The following NRG3 variants were observed in gnomAD, a reference collection of about 807,000 sequenced individuals.
The protein encoded by NRG3 is pro-neuregulin-3, membrane-bound isoform.
Under a neutral mutation model 66.9 loss-of-function variants are expected in NRG3, and 31 were observed. The observed-to-expected ratio is 0.46, with a 90% CI of 0.35 to 0.63. NRG3 has a LOEUF of 0.63. Ranked by LOEUF, NRG3 falls within the 20% of genes least tolerant of loss-of-function variation. The probability of loss-of-function intolerance (pLI) is 0.00; values close to 1 mark genes in which losing one functional copy is unlikely to be tolerated. For missense variants in NRG3, 910 were observed against 878.9 expected (o/e 1.04, Z -0.45); for synonymous variants, 393 against 359.4 (o/e 1.09, Z -1.06).
intron 1 of NRG3, among the ~76,000 whole-genome samples, chr10:81,980,214 T>C (rs2060282657): frequency 6.6e-6 from 1 of 152,050 alleles, no homozygotes; most frequent in Non-Finnish European, 1.5e-5. Flanking sequence ...TTTTTTTTTT[T>C]GGTTGATCAT....
chr10:82,852,516 T>G (rs186502617), intron 3 of NRG3, among the ~76,000 whole-genome samples: 2 of 151,620 alleles, frequency 1.3e-5, no homozygotes, highest in East Asian at 3.9e-4. Flanking sequence ...AGAAAGAAAA[T>G]TAGCTCACCT....
intron 2 of NRG3, among the ~76,000 whole-genome samples, chr10:82,695,968 T>C (rs980996980): frequency 2.0e-5 from 3 of 152,180 alleles, no homozygotes; most frequent in Non-Finnish European, 4.4e-5. Context: ...AAAAAGGATG[T>C]ACTAAATCAC....
intron 3 of NRG3, among the ~76,000 whole-genome samples, chr10:82,811,846 T>A (rs890227894): frequency 1.3e-5 from 2 of 152,202 alleles, no homozygotes; most frequent in African/African-American, 4.8e-5. Context: ...CAGAGTTGGA[T>A]TGCCCAGTCT....
intron 8 of NRG3, chr10:82,984,667 A>T: frequency 9.5e-7 from 1 of 1,056,100 alleles, no homozygotes; most frequent in Non-Finnish European, 1.4e-6. Context: ...GGACTAACCC[A>T]GGGCTGAGAG....
At chr10:81,901,560 T>A (rs1844072316) in intron 1 of NRG3, among the ~76,000 whole-genome samples, 1 of 152,090 alleles carries the variant, frequency 6.6e-6, no homozygotes, top group Admixed American at 6.5e-5. Flanking sequence ...TCCCTATTAC[T>A]TAGGAGGCTG....
At chr10:81,894,724 A>G (rs1474275075) in intron 1 of NRG3, among the ~76,000 whole-genome samples, 1 of 152,176 alleles carries the variant, frequency 6.6e-6, no homozygotes. Flanking sequence ...CTGCTACCCC[A>G]CATCCTGAGC....
chr10:82,133,848 C>T (rs1338723019), intron 1 of NRG3, among the ~76,000 whole-genome samples: 1 of 152,128 alleles, frequency 6.6e-6, no homozygotes, highest in Non-Finnish European at 1.5e-5. Flanking sequence ...ATACTGCCTT[C>T]CACAATGGTT....
intron 2 of NRG3, among the ~76,000 whole-genome samples, chr10:82,505,993 A>G (rs1412343806): frequency 3.3e-5 from 5 of 152,238 alleles, no homozygotes; most frequent in Non-Finnish European, 1.5e-5. Flanking sequence ...CACGCCTGTA[A>G]TCCCAGCACT....
chr10:82,436,624 A>G (rs2090155303), intron 2 of NRG3, among the ~76,000 whole-genome samples: 1 of 152,134 alleles, frequency 6.6e-6, no homozygotes, highest in South Asian at 2.1e-4. Context: ...CAGTTTCTCC[A>G]TAATGTCATT....
At chr10:82,690,308 C>T (rs1194153021) in intron 2 of NRG3, among the ~76,000 whole-genome samples, 14 of 150,078 alleles carry the variant, frequency 9.3e-5, no homozygotes, top group African/African-American at 4.9e-5. Flanking sequence ...CTTTTCACTT[C>T]ACAGGAACAT....
rs12259473 is a variant in NRG3, at chr10:82,732,895, G to C, written c.954-5682G>C. On this transcript the variant is annotated intron_variant, in intron 2 of 8. Transcript: ENST00000372141. ...CTGAGGAGAATTGGCAGAAGAGAGA[G>C]AAGAATATCTGGAGGGTTTGTTCCT... Among the ~76,000 whole-genome samples, 470 of 152,306 alleles carry C rather than the reference G, an allele frequency of 3.1e-3. 2 individuals are homozygous for C. Among genetic ancestry groups the C allele is most frequent in the African/African-American group, 0.011 (444 of 41,572 alleles).
chr10:82,148,305 C>T (rs1197908893), intron 1 of NRG3, among the ~76,000 whole-genome samples: 2 of 152,044 alleles, frequency 1.3e-5, no homozygotes, highest in East Asian at 3.9e-4. Context: ...CAAGACCAGC[C>T]TGGGCAACAT....
chr10:81,954,287 A>G (rs1476700116), intron 1 of NRG3, among the ~76,000 whole-genome samples: 2 of 152,084 alleles, frequency 1.3e-5, no homozygotes, highest in Non-Finnish European at 2.9e-5. Context: ...TTTGTTTATC[A>G]CTTTGAGCCT....
At chr10:82,033,583 A>G (rs2062665222) in intron 1 of NRG3, among the ~76,000 whole-genome samples, 1 of 152,140 alleles carries the variant, frequency 6.6e-6, no homozygotes, top group African/African-American at 2.4e-5. Context: ...TAGTATTTGT[A>G]TAGTGTTAGA....
rs1048957310 is a variant in NRG3 at position 82,061,859 on chromosome 10, T to A, written c.823+185696T>A. ...GTGTCCCTTTCTCTCTCTCTCTCTC[T>A]CTCACACACACAAACACACACACAC... is the stretch of plus-strand genomic sequence containing the variant. On this transcript the variant is annotated intron_variant, in intron 1 of 8. Transcript: ENST00000372141. Among the ~76,000 whole-genome samples the A allele has an allele frequency of 3.8e-4, 57 of 148,988 alleles. 1 individual carries two copies. Among genetic ancestry groups the A allele is most frequent in the African/African-American group, 1.1e-3 (44 of 39,480 alleles).
At chr10:82,228,461 T>C (rs1293448109) in intron 1 of NRG3, among the ~76,000 whole-genome samples, 1 of 152,194 alleles carries the variant, frequency 6.6e-6, no homozygotes, top group East Asian at 1.9e-4. Flanking sequence ...CATGTAATGC[T>C]TCATTCAAAT....
At chr10:82,420,482 TCTG>T (rs890862117) in intron 2 of NRG3, among the ~76,000 whole-genome samples, 2 of 152,266 alleles carry the variant, frequency 1.3e-5, no homozygotes, top group Non-Finnish European at 2.9e-5. Context: ...TTTCTCATCT[TCTG>T]CTGTAAAAAA....
chr10:82,824,365 ATTCTC>A (rs1457733577), intron 3 of NRG3, among the ~76,000 whole-genome samples: 1 of 152,116 alleles, frequency 6.6e-6, no homozygotes, highest in Middle Eastern at 3.2e-3. Flanking sequence ...TGTGTTTTTA[ATTCTC>A]TTCTCTATAT....
At chr10:82,735,506 C>A (rs935749763) in intron 2 of NRG3, among the ~76,000 whole-genome samples, 3 of 152,118 alleles carry the variant, frequency 2.0e-5, no homozygotes, top group African/African-American at 7.2e-5. Flanking sequence ...AGGAACCAAC[C>A]AAAATGCCTA....
Sources: gnomAD v4.1 joint callset for allele counts (sites outside exome capture counted in the v4.1 genomes callset) on GRCh38, gnomAD v4.1.1 for gene constraint, MANE v1.5 for transcripts, NCBI Gene and HGNC (gene_info 2026-07-23, HGNC 2026-07-21) for gene names.